Variants in USH2A observed in about 807,000 individuals in gnomAD.
The protein encoded by USH2A is Usher syndrome 2A (autosomal recessive, mild).
USH2A carries 443 observed loss-of-function variants against 538.9 expected under a neutral mutation model. That is an observed-to-expected ratio of 0.82 (90% CI 0.76 to 0.89). USH2A has a LOEUF of 0.89. Ranked by LOEUF, USH2A falls within the 40% of genes least tolerant of loss-of-function variation. The pLI is 0.00. For missense variants in USH2A, 6,633 were observed against 6,324.8 expected (o/e 1.05, Z -1.65); for synonymous variants, 2,413 against 2,273.5 (o/e 1.06, Z -1.75).
intron 61 of USH2A, among the ~76,000 whole-genome samples, chr1:215,723,118 A>G (rs1249901590): frequency 1.3e-5 from 2 of 152,148 alleles, no homozygotes; most frequent in African/African-American, 4.8e-5. Flanking sequence ...GCTGTTTTCA[A>G]TAATGGAAGG....
intron 21 of USH2A, among the ~76,000 whole-genome samples, chr1:216,158,819 A>G (rs1044002839): frequency 1.1e-4 from 17 of 152,252 alleles, no homozygotes; most frequent in African/African-American, 4.1e-4. Flanking sequence ...CTATTTAACA[A>G]TATTAAGTGT....
At chr1:216,161,814 A>G (rs1015649588) in intron 21 of USH2A, among the ~76,000 whole-genome samples, 9 of 151,878 alleles carry the variant, frequency 5.9e-5, no homozygotes, top group African/African-American at 1.9e-4. Flanking sequence ...TTTTGTTGTT[A>G]TTATTGTTAA....
intron 9 of USH2A, among the ~76,000 whole-genome samples, chr1:216,299,277 A>G (rs1287523333): frequency 6.6e-6 from 1 of 152,144 alleles, no homozygotes; most frequent in Non-Finnish European, 1.5e-5. Context: ...TCCTAAAAAA[A>G]AAAAGGCTAA....
intron 41 of USH2A, 101 bp downstream of exon 41, chr1:215,888,325 C>T: frequency 6.4e-7 from 1 of 1,570,932 alleles, no homozygotes; most frequent in African/African-American, 1.3e-5. Flanking sequence ...CCTAAAACAA[C>T]AAATGCGTTT....
Position 215,800,081 on chromosome 1 carries a change from T to A in USH2A, c.9740-956A>T, listed in dbSNP as rs555550466. ...ACTCAAATACTCTAAATACCAAGAG[T>A]TAGCTTGTTTGTTTGTTTGGTATAA... On this transcript the variant is annotated intron_variant, in intron 49 of 71. Coordinates refer to ENST00000307340, the MANE Select transcript of USH2A (RefSeq NM_206933.4). Among the ~76,000 whole-genome samples the A allele has an allele frequency of 2.0e-5, 3 of 152,068 alleles. No homozygotes were observed. The South Asian group carries it at 6.2e-4, about 32-fold the overall frequency.
intron 22 of USH2A, among the ~76,000 whole-genome samples, chr1:216,096,452 C>T (rs922677421): frequency 2.0e-5 from 3 of 152,190 alleles, no homozygotes; most frequent in African/African-American, 7.2e-5. Flanking sequence ...ACCAACTTTT[C>T]TTCATTGATT....
Position 215,701,150 on chromosome 1 carries a change from T to G in USH2A, c.12067-20774A>C, listed in dbSNP as rs554672460. The stretch of plus-strand genomic sequence containing the variant: ...AGTTTCTTAAGCCTGAGTTCTAATT[T>G]GATTGCACTGTGTTCTGAGAGACTG... On this transcript the variant is annotated intron_variant, in intron 61 of 71. Transcript: ENST00000307340. Among the ~76,000 whole-genome samples, 17 of 152,350 alleles carry G rather than the reference T, an allele frequency of 1.1e-4. 1 individual carries two copies. Among genetic ancestry groups the G allele is most frequent in the African/African-American group, 4.1e-4 (17 of 41,590 alleles).
chr1:215,683,688 G>T (rs1448668512), intron 61 of USH2A, among the ~76,000 whole-genome samples: 1 of 152,034 alleles, frequency 6.6e-6, no homozygotes, highest in Non-Finnish European at 1.5e-5. Flanking sequence ...TTACTCCTTT[G>T]CTTCACTTTT....
rs559277876 is a variant in USH2A at position 215,623,760 on chromosome 1, G to A, written c.*2021C>T. The stretch of plus-strand genomic sequence containing the variant: ...CCTGCAGTTCTGTATTTTTTTGTGC[G>A]TTGTTAAAATTTTATACTGTGCTTG... On this transcript the variant is annotated 3_prime_UTR_variant, in exon 72 of 72. Transcript: ENST00000307340. 6 of 152,220 alleles carry A rather than the reference G, an allele frequency of 3.9e-5. No homozygotes were observed. Among genetic ancestry groups the A allele is most frequent in the South Asian group, 2.1e-4 (1 of 4,828 alleles). The allele number at this position is 152,220 out of a possible 1,614,324, so 9.4% of individuals were successfully genotyped here.
At position 216,323,590 on chromosome 1, in the gene USH2A, C is replaced by G. The variant is rs35730265; in HGVS notation, c.1434G>C (p.Glu478Asp). The G allele has an allele frequency of 0.016, 26,031 of 1,613,512 alleles. 253 individuals carry two copies. The highest frequency in any genetic ancestry group is 0.019 in the Non-Finnish European group (22,433 of 1,179,748). The change falls in exon 8 of 72, where the codon GAG becomes GAC. Residue 478 changes from glutamate (E) to aspartate (D), a missense_variant. Physicochemically the swap from Glu to Asp is conservative, Grantham distance 45 (BLOSUM62 2). Transcript: ENST00000307340. ...ACCTTATTTGCGTGGCTTTTACGAACTCTTGAAGAGATGGGGTATTATAGA... is the reference window on the plus strand; with the variant it reads ...ACCTTATTTGCGTGGCTTTTACGAAGTCTTGAAGAGATGGGGTATTATAGA... ...NNFYNTPSLQEFVKATQIRFH... is the reference protein window; with the variant it reads ...NNFYNTPSLQDFVKATQIRFH...
At chr1:215,626,728 A>T (rs1656038469) in intron 71 of USH2A, among the ~76,000 whole-genome samples, 1 of 152,122 alleles carries the variant, frequency 6.6e-6, no homozygotes, top group Non-Finnish European at 1.5e-5. Context: ...AAGAACCCAA[A>T]CCCATAAAAA....
chr1:215,820,289 T>TCAGA, intron 47 of USH2A, among the ~76,000 whole-genome samples: 1 of 150,308 alleles, frequency 6.7e-6, no homozygotes, highest in South Asian at 2.1e-4. Flanking sequence ...TCTCATTCCT[T>TCAGA]CACACACACA....
At chr1:215,709,157 G>C (rs1019196528) in intron 61 of USH2A, among the ~76,000 whole-genome samples, 1 of 152,164 alleles carries the variant, frequency 6.6e-6, no homozygotes, top group Non-Finnish European at 1.5e-5. Flanking sequence ...TCAGGAAAGA[G>C]ATTGACATTC....
At chr1:216,244,883 G>T (rs1227338514) in intron 13 of USH2A, among the ~76,000 whole-genome samples, 1 of 152,092 alleles carries the variant, frequency 6.6e-6, no homozygotes, top group African/African-American at 2.4e-5. Context: ...ATTAAAGTTA[G>T]ACTGGAACAG....
chr1:216,003,211 G>C (rs575588351), intron 32 of USH2A, among the ~76,000 whole-genome samples: 2 of 152,172 alleles, frequency 1.3e-5, no homozygotes, highest in South Asian at 4.1e-4. Context: ...TAGTGAGCCA[G>C]GATTGAAATA....
chr1:215,837,921 T>C, intron 47 of USH2A, 70 bp downstream of exon 47: 1 of 1,227,544 alleles, frequency 8.1e-7, no homozygotes, highest in Non-Finnish European at 1.2e-6. Context: ...GCTGAGAGGA[T>C]ACCTTTGATT....
At chr1:216,230,581 A>C (rs2035657427) in intron 14 of USH2A, among the ~76,000 whole-genome samples, 1 of 152,198 alleles carries the variant, frequency 6.6e-6, no homozygotes, top group African/African-American at 2.4e-5. Context: ...AACTAGTTTA[A>C]GTTCTTTTTC....
rs774128587 is a variant in USH2A, at chr1:215,877,916, C to T, written c.8559-36G>A. ...AGACAAGCAGGAACATCAGGATTATCTCAACTCATATTGAGATTACCAAAA... is the reference window on the plus strand; with the variant it reads ...AGACAAGCAGGAACATCAGGATTATTTCAACTCATATTGAGATTACCAAAA... On this transcript the variant is annotated intron_variant, in intron 42 of 71. Transcript: ENST00000307340. 8.1e-6 allele frequency: 13 copies of T among 1,612,828 alleles called. No individual in the cohort carries two copies. The South Asian group carries it at 1.1e-4, about 14-fold the overall frequency.
rs186096854 is a variant in USH2A at position 216,010,882 on chromosome 1, C to T, written c.6326-10320G>A. On this transcript the variant is annotated intron_variant, in intron 32 of 71. Transcript: ENST00000307340. ...TGCGTCCTCCTCTTGTATCCCCCGA[C>T]CTTAACCCACAAGTATAAGATACCT... 4.9e-3 allele frequency among the ~76,000 whole-genome samples: 745 copies of T among 151,892 alleles called. 21 individuals are homozygous for T. In the East Asian group the frequency reaches 0.069, roughly 14 times the overall value.
Sources: allele counts gnomAD v4.1 joint callset (sites outside exome capture counted in the v4.1 genomes callset), GRCh38; gene constraint gnomAD v4.1.1; transcripts MANE v1.5; gene names NCBI Gene and HGNC (gene_info 2026-07-23, HGNC 2026-07-21).